Variants in EGFR observed in about 807,000 individuals in gnomAD.
EGFR encodes the protein epidermal growth factor receptor.
A neutral mutation model predicts 143.0 loss-of-function variants in EGFR; 58 were observed. The observed-to-expected ratio is 0.41, with a 90% CI of 0.33 to 0.50. EGFR has a LOEUF of 0.50. Ranked by LOEUF, EGFR falls within the 20% of genes least tolerant of loss-of-function variation. The probability of loss-of-function intolerance (pLI) is 0.39; values close to 1 mark genes in which losing one functional copy is unlikely to be tolerated. For missense variants in EGFR, 1,307 were observed against 1,579.0 expected, an observed-to-expected ratio of 0.83 and a Z score of 2.92; for synonymous variants, 613 against 594.4, an observed-to-expected ratio of 1.03 and a Z score of -0.45.
At position 55,162,318 on chromosome 7, in the gene EGFR, G is replaced by T. The variant is rs191414476; in HGVS notation, c.1631+687G>T. ...AGATTTAAAGAAAAAGGGAAATTTG[G>T]TGAGCACCATAGGAATTACAGATGG... On this transcript the variant is annotated intron_variant, in intron 13 of 27. Transcript: ENST00000275493. Among the ~76,000 whole-genome samples the T allele has an allele frequency of 4.6e-5, 7 of 152,356 alleles. 1 individual carries two copies. The highest frequency in any genetic ancestry group is 4.6e-4 in the Admixed American group (7 of 15,312).
rs1047991992 is a variant in EGFR, at chr7:55,068,036, ATGTGTATG to A, written c.88+48678_88+48685del. On this transcript the variant is annotated intron_variant, in intron 1 of 27. Transcript: ENST00000275493. ...CAGGTGTGCCTGTGTGTATGTGTAT[ATGTGTATG>A]TGTGTACATGTATGTACGCGTGTGC... Among the ~76,000 whole-genome samples, 16 of 149,690 alleles carry A rather than the reference ATGTGTATG, an allele frequency of 1.1e-4. 2 individuals are homozygous for A. Among genetic ancestry groups the A allele is most frequent in the African/African-American group, 4.0e-4 (16 of 39,838 alleles).
chr7:55,038,990 T>C (rs1787754542), intron 1 of EGFR, among the ~76,000 whole-genome samples: 1 of 151,784 alleles, frequency 6.6e-6, no homozygotes, highest in African/African-American at 2.4e-5. Flanking sequence ...GGAGGGTAGA[T>C]CTGGTACCAG....
rs920047411 is a variant in EGFR, at chr7:55,082,667, C to G, written c.89-59619C>G. The stretch of plus-strand genomic sequence containing the variant: ...AATAGACCACTCGTCCCTGTGGCTC[C>G]GGGCAGCAGCCTCATCTGAGACCCT... On this transcript the variant is annotated intron_variant, in intron 1 of 27. Transcript: ENST00000275493. 2.0e-5 allele frequency among the ~76,000 whole-genome samples: 3 copies of G among 152,176 alleles called. No individual in the cohort carries two copies. The East Asian group carries it at 5.8e-4, about 29-fold the overall frequency.
In EGFR at chr7:55,181,256, T is replaced by C. The variant is rs749680358; in HGVS notation, c.2284-37T>C. 8 of 1,612,726 alleles carry C rather than the reference T, an allele frequency of 5.0e-6. No individual in the cohort carries two copies. In the African/African-American group the frequency reaches 6.7e-5, roughly 13 times the overall value. On this transcript the variant is annotated intron_variant, in intron 19 of 27. Coordinates refer to ENST00000275493, the MANE Select transcript of EGFR (RefSeq NM_005228.5). ...CATGTGCCCCTCCTTCTGGCCACCATGCGAAGCCACACTGACGTGCCTCTC... is the reference window on the plus strand; with the variant it reads ...CATGTGCCCCTCCTTCTGGCCACCACGCGAAGCCACACTGACGTGCCTCTC...
intron 26 of EGFR, 38 bp from the exon 27 acceptor site, chr7:55,202,479 C>T (rs2128972931): frequency 1.3e-6 from 2 of 1,541,440 alleles, no homozygotes; most frequent in Non-Finnish European, 1.8e-6. Flanking sequence ...GTTGGGGCAG[C>T]CCTGACCGGA....
chr7:55,105,062 T>C (rs1435000506), intron 1 of EGFR, among the ~76,000 whole-genome samples: 2 of 152,246 alleles, frequency 1.3e-5, no homozygotes, highest in Non-Finnish European at 2.9e-5. Context: ...ATAAAGTGCT[T>C]GTACAATGGA....
chr7:55,038,826 A>G (rs1197156732), intron 1 of EGFR, among the ~76,000 whole-genome samples: 1 of 152,066 alleles, frequency 6.6e-6, no homozygotes, highest in East Asian at 1.9e-4. Context: ...AATTAAGAGG[A>G]CAAAAGAAAA....
At chr7:55,101,902 C>T (rs546564431) in intron 1 of EGFR, among the ~76,000 whole-genome samples, 4 of 152,314 alleles carry the variant, frequency 2.6e-5, no homozygotes, top group African/African-American at 9.6e-5. Flanking sequence ...TTCTTCCCAT[C>T]CCTTTTCCAC....
At chr7:55,117,042 C>T (rs1005499509) in intron 1 of EGFR, among the ~76,000 whole-genome samples, 12 of 152,114 alleles carry the variant, frequency 7.9e-5, no homozygotes, top group African/African-American at 2.9e-4. Context: ...GTACTGGTCG[C>T]TTTAGTAGCT....
intron 1 of EGFR, among the ~76,000 whole-genome samples, chr7:55,095,395 C>T (rs755852534): frequency 6.6e-6 from 1 of 152,202 alleles, no homozygotes; most frequent in Non-Finnish European, 1.5e-5. Context: ...CATTATTTGC[C>T]TTCTCACAGG....
intron 2 of EGFR, among the ~76,000 whole-genome samples, chr7:55,143,043 G>A (rs779702616): frequency 6.6e-6 from 1 of 152,152 alleles, no homozygotes; most frequent in African/African-American, 2.4e-5. Flanking sequence ...ACCCCGTGAG[G>A]CATGAGAGCA....
chr7:55,145,195 G>C (rs1199206451), intron 3 of EGFR, among the ~76,000 whole-genome samples: 1 of 152,128 alleles, frequency 6.6e-6, no homozygotes, highest in Non-Finnish European at 1.5e-5. Flanking sequence ...GTGCCTCTGT[G>C]CTCTCCTCGC....
chr7:55,199,284 A>G (rs1458171900), intron 23 of EGFR, among the ~76,000 whole-genome samples: 1 of 152,224 alleles, frequency 6.6e-6, no homozygotes, highest in East Asian at 1.9e-4. Context: ...CTTTTAAACC[A>G]GTGGATTTAT....
chr7:55,022,369 C>A (rs905363267), intron 1 of EGFR, among the ~76,000 whole-genome samples: 1 of 152,088 alleles, frequency 6.6e-6, no homozygotes, highest in African/African-American at 2.4e-5. Context: ...AAAGAGAAAC[C>A]AAAGTGGGGA....
intron 3 of EGFR, among the ~76,000 whole-genome samples, chr7:55,145,433 C>T (rs531686520): frequency 6.6e-6 from 1 of 152,232 alleles, no homozygotes; most frequent in African/African-American, 2.4e-5. Context: ...CAGTTCCTTG[C>T]TTCTGTGCAT....
chr7:55,120,951 T>C (rs770573744), intron 1 of EGFR, among the ~76,000 whole-genome samples: 10 of 152,192 alleles, frequency 6.6e-5, no homozygotes, highest in Admixed American at 3.3e-4. Context: ...GTAGAGTGAA[T>C]TGCCTGTTTG....
intron 3 of EGFR, 148 bp downstream of exon 3, chr7:55,143,636 A>T: frequency 2.3e-6 from 2 of 875,060 alleles, no homozygotes; most frequent in Non-Finnish European, 3.6e-6. Context: ...TGTGTGTAAG[A>T]TACTGCAGGG....
intron 24 of EGFR, 118 bp downstream of exon 24, chr7:55,200,531 C>A: frequency 9.7e-7 from 1 of 1,032,232 alleles, no homozygotes; most frequent in Non-Finnish European, 1.5e-6. Flanking sequence ...ATTATTAAAC[C>A]CTCCAGCGCA....
chr7:55,190,582 C>T (rs923411517), intron 20 of EGFR, among the ~76,000 whole-genome samples: 4 of 152,128 alleles, frequency 2.6e-5, no homozygotes, highest in Non-Finnish European at 5.9e-5. Flanking sequence ...CCTGCAGTCA[C>T]ACTACAGTGG....
Sources: gnomAD v4.1 joint callset for allele counts (sites outside exome capture counted in the v4.1 genomes callset) on GRCh38, gnomAD v4.1.1 for gene constraint, MANE v1.5 for transcripts, NCBI Gene and HGNC (gene_info 2026-07-23, HGNC 2026-07-21) for gene names.